The following ZNF892 variants were observed in gnomAD, a reference collection of about 807,000 sequenced individuals.
ZNF892 encodes zinc finger protein 570-like.
At chr2:95,243,902 G>A in the ZNF892 span, among the ~76,000 whole-genome samples, 28 of 152,224 alleles carry the variant, frequency 1.8e-4, no homozygotes, top group Non-Finnish European at 3.1e-4. Flanking sequence ...GAATAGAAAG[G>A]GGGGAAGGTG....
the ZNF892 span, among the ~76,000 whole-genome samples, chr2:95,206,657 T>C: frequency 6.6e-6 from 1 of 152,232 alleles, no homozygotes; most frequent in African/African-American, 2.4e-5. Context: ...CTCAAGGCTT[T>C]ATGTTTTCTC....
At chr2:95,215,820 A>G in the ZNF892 span, among the ~76,000 whole-genome samples, 1 of 152,214 alleles carries the variant, frequency 6.6e-6, no homozygotes, top group Admixed American at 6.5e-5. Context: ...GAAAGAGGAA[A>G]ATTATTTGTA....
chr2:95,248,017 A>T, the ZNF892 span, among the ~76,000 whole-genome samples: 2 of 152,172 alleles, frequency 1.3e-5, no homozygotes, highest in African/African-American at 4.8e-5. Flanking sequence ...AAATCATTCC[A>T]CCAAAAAGAC....
chr2:95,254,528 TG>T, the ZNF892 span, among the ~76,000 whole-genome samples: 1 of 152,230 alleles, frequency 6.6e-6, no homozygotes, highest in Non-Finnish European at 1.5e-5. Flanking sequence ...TCAGGGATAT[TG>T]GTCTAAAATT....
At chr2:95,215,567 A>C in the ZNF892 span, 5 of 403,718 alleles carry the variant, frequency 1.2e-5, no homozygotes, top group Non-Finnish European at 1.8e-5. Flanking sequence ...GTGAGCATTT[A>C]ACCTTTGGCC....
chr2:95,214,765 C>T, the ZNF892 span: 1 of 450,910 alleles, frequency 2.2e-6, no homozygotes, highest in African/African-American at 2.0e-5. Flanking sequence ...AGAATTCACA[C>T]AGGAGAAAAA....
chr2:95,254,915 A>C, the ZNF892 span, among the ~76,000 whole-genome samples: 1 of 152,038 alleles, frequency 6.6e-6, no homozygotes, highest in African/African-American at 2.4e-5. Flanking sequence ...TTTCTGTGGG[A>C]TCGGTGGTGA....
chr2:95,212,032 A>G, the ZNF892 span, among the ~76,000 whole-genome samples: 1 of 152,194 alleles, frequency 6.6e-6, no homozygotes, highest in Non-Finnish European at 1.5e-5. Flanking sequence ...GGTAAAATTG[A>G]TAAGGGACTC....
chr2:95,241,399 A>G, the ZNF892 span, among the ~76,000 whole-genome samples: 2 of 152,216 alleles, frequency 1.3e-5, no homozygotes, highest in African/African-American at 4.8e-5. Flanking sequence ...AGCAGCCCTA[A>G]AGAATACTGG....
the ZNF892 span, among the ~76,000 whole-genome samples, chr2:95,233,211 T>G: frequency 2.0e-5 from 3 of 151,932 alleles, no homozygotes; most frequent in Non-Finnish European, 2.9e-5. Flanking sequence ...TTTCTTTTTT[T>G]TTTTTGGAGG....
chr2:95,216,358 C>T, the ZNF892 span, among the ~76,000 whole-genome samples: 1 of 152,160 alleles, frequency 6.6e-6, no homozygotes, highest in East Asian at 1.9e-4. Context: ...GGGTCAAGAA[C>T]AACAGCTTAG....
chr2:95,233,056 C>G, the ZNF892 span, among the ~76,000 whole-genome samples: 16 of 152,258 alleles, frequency 1.1e-4, no homozygotes, highest in East Asian at 3.1e-3. Flanking sequence ...TCCTGAGGGA[C>G]GACTTCAGGT....
chr2:95,230,510 G>T, the ZNF892 span, among the ~76,000 whole-genome samples: 6 of 152,172 alleles, frequency 3.9e-5, no homozygotes, highest in African/African-American at 1.4e-4. Flanking sequence ...GTGTTTTTAA[G>T]TTGCTTTGCG....
At chr2:95,261,408 C>G in the ZNF892 span, among the ~76,000 whole-genome samples, 1 of 152,064 alleles carries the variant, frequency 6.6e-6, no homozygotes, top group Non-Finnish European at 1.5e-5. Flanking sequence ...GATTCTCCTG[C>G]CTCAGCCTCT....
At chr2:95,253,267 G>A in the ZNF892 span, among the ~76,000 whole-genome samples, 3 of 152,150 alleles carry the variant, frequency 2.0e-5, no homozygotes, top group Non-Finnish European at 4.4e-5. Context: ...TGTATAAGGT[G>A]TAAGGAAGGG....
chr2:95,245,494 C>T, the ZNF892 span, among the ~76,000 whole-genome samples: 1 of 143,170 alleles, frequency 7.0e-6, no homozygotes, highest in African/African-American at 2.6e-5. Flanking sequence ...TGGTCTCGAT[C>T]TCCTGACCTC....
the ZNF892 span, among the ~76,000 whole-genome samples, chr2:95,244,759 A>G: frequency 6.6e-6 from 1 of 152,202 alleles, no homozygotes; most frequent in African/African-American, 2.4e-5. Context: ...ACCACGTGGC[A>G]TATACTCTAA....
chr2:95,244,684 G>A, the ZNF892 span, among the ~76,000 whole-genome samples: 1 of 152,184 alleles, frequency 6.6e-6, no homozygotes, highest in Non-Finnish European at 1.5e-5. Flanking sequence ...TCTGGATCAA[G>A]TGGACTTGAT....
chr2:95,259,784 C>T, the ZNF892 span: 1 of 152,262 alleles, frequency 6.6e-6, no homozygotes, highest in South Asian at 2.1e-4. Flanking sequence ...AGTCTGCTGC[C>T]TTTGACTAAT....
Sources: allele counts gnomAD v4.1 joint callset (sites outside exome capture counted in the v4.1 genomes callset), GRCh38; gene constraint gnomAD v4.1.1; transcripts MANE v1.5; gene names NCBI Gene and HGNC (gene_info 2026-07-23, HGNC 2026-07-21).